Variants in PSMA1 observed in about 807,000 individuals in gnomAD.
PSMA1 encodes the protein proteasome subunit alpha type-1.
PSMA1 carries 3 observed loss-of-function variants against 38.4 expected under a neutral mutation model. That is an observed-to-expected ratio of 0.08 (90% confidence interval 0.04 to 0.20). The LOEUF is 0.20. Ranked by LOEUF, PSMA1 falls within the 10% of genes least tolerant of loss-of-function variation. The pLI is 1.00. For synonymous variants in PSMA1, 101 were observed against 107.1 expected (o/e 0.94, Z 0.35); for missense variants, 227 against 325.3 (o/e 0.70, Z 2.32).
At chr11:14,630,747 T>A (rs897709609) in intron 1 of PSMA1, among the ~76,000 whole-genome samples, 4 of 152,006 alleles carry the variant, frequency 2.6e-5, no homozygotes, top group African/African-American at 9.7e-5. Flanking sequence ...ATGGTACCAG[T>A]TCCTCCTTGT....
intron 2 of PSMA1, among the ~76,000 whole-genome samples, chr11:14,547,993 A>T (rs1851845011): frequency 6.6e-6 from 1 of 151,946 alleles, no homozygotes; most frequent in South Asian, 2.1e-4. Flanking sequence ...CTGGTGGGCA[A>T]GATCCTGAGA....
intron 1 of PSMA1, among the ~76,000 whole-genome samples, chr11:14,631,607 AGGTGT>A (rs1356755085): frequency 4.6e-5 from 7 of 152,268 alleles, no homozygotes; most frequent in Admixed American, 3.9e-4. Flanking sequence ...AGTTTGGAAT[AGGTGT>A]GGTGTGGTGC....
At chr11:14,611,114 G>T in exon 2 of PSMA1, 1 of 855,556 alleles carries the variant, frequency 1.2e-6, no homozygotes, top group Non-Finnish European at 1.9e-6. Flanking sequence ...CTTGCTGAGA[G>T]CTGACCATGA....
rs958088121 is a variant in PSMA1, at chr11:14,509,864, C to A, written c.624+1008G>T. On this transcript the variant is annotated intron_variant, in intron 8 of 9. Transcript: ENST00000396394. ...TCAGCCTCCCGAGTAGCTGGGACTA[C>A]AGGCGCCTGCCACCAAGCCCGGCTA... 3.9e-5 allele frequency among the ~76,000 whole-genome samples: 6 copies of A among 152,066 alleles called. No homozygotes were observed. The South Asian group carries it at 1.0e-3, about 26-fold the overall frequency.
chr11:14,521,496 A>G (rs1174812561), upstream of PSMA1, among the ~76,000 whole-genome samples: 1 of 151,310 alleles, frequency 6.6e-6, no homozygotes, highest in African/African-American at 2.4e-5. Context: ...TGTTTCAAAA[A>G]AAAAAAAAGC....
At chr11:14,546,653 G>A (rs1851831523) in intron 2 of PSMA1, among the ~76,000 whole-genome samples, 1 of 152,122 alleles carries the variant, frequency 6.6e-6, no homozygotes, top group Non-Finnish European at 1.5e-5. Context: ...GGCCAGGCTG[G>A]TCTCGAACTC....
intron 2 of PSMA1, among the ~76,000 whole-genome samples, chr11:14,591,461 G>A (rs1225007259): frequency 3.3e-5 from 5 of 152,214 alleles, no homozygotes; most frequent in Non-Finnish European, 5.9e-5. Context: ...GCACGGCACT[G>A]GGACTGGCAG....
At chr11:14,514,254 T>C (rs1589978847) in intron 5 of PSMA1, 149 bp downstream of exon 5, 8 of 1,376,578 alleles carry the variant, frequency 5.8e-6, no homozygotes, top group Non-Finnish European at 7.5e-6. Flanking sequence ...AAATTGCTTA[T>C]AAAGGCTAAT....
At chr11:14,570,608 G>C (rs557083522) in intron 2 of PSMA1, among the ~76,000 whole-genome samples, 1 of 151,604 alleles carries the variant, frequency 6.6e-6, no homozygotes, top group Non-Finnish European at 1.5e-5. Flanking sequence ...GAGGAAAGGA[G>C]TGATTGAAGA....
upstream of PSMA1, among the ~76,000 whole-genome samples, chr11:14,522,248 G>C (rs1271738450): frequency 1.3e-5 from 2 of 152,044 alleles, no homozygotes; most frequent in African/African-American, 4.8e-5. Context: ...TTTATTGTAT[G>C]GAAATATAAT....
upstream of PSMA1, chr11:14,520,557 C>G (rs1851512677): frequency 7.9e-6 from 10 of 1,265,752 alleles, no homozygotes; most frequent in South Asian, 1.3e-4. Context: ...CTGGGAGTGC[C>G]GGCGGCTGAG....
intron 2 of PSMA1, among the ~76,000 whole-genome samples, chr11:14,552,211 G>A (rs1851893437): frequency 6.6e-6 from 1 of 152,170 alleles, no homozygotes; most frequent in Non-Finnish European, 1.5e-5. Context: ...CATGGAGGCT[G>A]GATCCTCAGC....
chr11:14,539,890 C>A (rs772064043), intron 2 of PSMA1, among the ~76,000 whole-genome samples: 2 of 151,602 alleles, frequency 1.3e-5, no homozygotes, highest in Non-Finnish European at 2.9e-5. Flanking sequence ...ACAGGACCCA[C>A]AGGAGGAAGA....
chr11:14,598,392 T>C (rs1485598099), intron 2 of PSMA1, among the ~76,000 whole-genome samples: 4 of 152,200 alleles, frequency 2.6e-5, no homozygotes, highest in African/African-American at 9.7e-5. Context: ...AGTCTCTTTG[T>C]AGGTCTCTAA....
At chr11:14,641,422 A>C (rs1363337622) in intron 1 of PSMA1, among the ~76,000 whole-genome samples, 2 of 152,240 alleles carry the variant, frequency 1.3e-5, no homozygotes, top group Non-Finnish European at 2.9e-5. Flanking sequence ...CAAAGACTGT[A>C]AACAGAGAAG....
chr11:14,529,029 G>A (rs1256649810), intron 2 of PSMA1, among the ~76,000 whole-genome samples: 1 of 150,120 alleles, frequency 6.7e-6, no homozygotes, highest in African/African-American at 2.5e-5. Flanking sequence ...CACAAAGCCT[G>A]TTTGGTGTTC....
chr11:14,519,978 C>T (rs145444859), intron 1 of PSMA1: 1 of 423,234 alleles, frequency 2.4e-6, no homozygotes, highest in African/African-American at 2.0e-5. Flanking sequence ...CTCCCATACA[C>T]AGCACTAGGA....
In PSMA1 at chr11:14,519,978, C is replaced by G. The variant is rs145444859; in HGVS notation, c.3+319G>C. ...TCTCTGTCTTCTCCTCTCCCATACA[C>G]AGCACTAGGAGCTATTCTGGACCGC... On this transcript the variant is annotated intron_variant, in intron 1 of 9. Transcript: ENST00000396394. 409 of 423,232 alleles carry G rather than the reference C, an allele frequency of 9.7e-4. 1 individual carries two copies. Among genetic ancestry groups the G allele is most frequent in the South Asian group, 1.8e-3 (47 of 25,450 alleles). 26.2% of individuals were successfully genotyped at this position (423,232 alleles called of 1,614,324 possible).
rs551206626 is a variant in PSMA1 at position 14,553,320 on chromosome 11, A to C, written c.22-34279T>G. On this transcript the variant is annotated intron_variant, in intron 2 of 10. Transcript: ENST00000418988. Reference sequence around the variant, plus strand: ...TTGGTACAATCCATTGAATTTATTCAAATTTCACCAGTTTTTACCTATACT... The same window carrying C: ...TTGGTACAATCCATTGAATTTATTCCAATTTCACCAGTTTTTACCTATACT... 2.0e-5 allele frequency among the ~76,000 whole-genome samples: 3 copies of C among 152,290 alleles called. No individual in the cohort carries two copies. In the South Asian group the frequency reaches 6.2e-4, roughly 32 times the overall value.
Sources: allele counts gnomAD v4.1 joint callset (sites outside exome capture counted in the v4.1 genomes callset), GRCh38; gene constraint gnomAD v4.1.1; transcripts MANE v1.5; gene names NCBI Gene and HGNC (gene_info 2026-07-23, HGNC 2026-07-21).